The following CDH13 variants were observed in gnomAD, a reference collection of about 807,000 sequenced individuals.
CDH13 encodes cadherin-13.
In CDH13, 24 loss-of-function variants were observed where a neutral mutation model predicts 63.8. The ratio of observed to expected loss-of-function variants is 0.38; its 90% CI spans 0.27 to 0.53. CDH13 has a LOEUF of 0.53. Ranked by LOEUF, CDH13 falls within the 20% of genes least tolerant of loss-of-function variation. The probability of loss-of-function intolerance (pLI) is 0.85; values close to 1 mark genes in which losing one functional copy is unlikely to be tolerated. For synonymous variants in CDH13, 503 were observed against 355.3 expected, an observed-to-expected ratio of 1.42 and a Z score of -4.67; for missense variants, 1,049 against 903.1, an observed-to-expected ratio of 1.16 and a Z score of -2.07.
chr16:82,680,528 G>C (rs556136313), intron 1 of CDH13, among the ~76,000 whole-genome samples: 1 of 152,190 alleles, frequency 6.6e-6, no homozygotes, highest in South Asian at 2.1e-4. Context: ...TTATTTCTGC[G>C]CTCCAAAGTT....
intron 10 of CDH13, among the ~76,000 whole-genome samples, chr16:83,696,682 G>A (rs1905452236): frequency 6.6e-6 from 1 of 152,186 alleles, no homozygotes; most frequent in Admixed American, 6.5e-5. Context: ...CACAGCAACT[G>A]GCCTTCATCT....
At position 83,673,309 on chromosome 16, in the gene CDH13, C is replaced by G. The variant is rs372633627; in HGVS notation, c.1284+2337C>G. ...TTGCAGTCAAGAAATCTCTTGCCAA[C>G]ATGGATATCCCCTACCAAATTTTGG... On this transcript the variant is annotated intron_variant, in intron 9 of 13. Coordinates refer to ENST00000567109, the MANE Select transcript of CDH13 (RefSeq NM_001257.5). Among the ~76,000 whole-genome samples the G allele has an allele frequency of 4.3e-4, 66 of 152,334 alleles. 1 individual carries two copies. The South Asian group carries it at 0.014, about 32-fold the overall frequency.
At chr16:82,915,096 C>T (rs909076029) in intron 2 of CDH13, among the ~76,000 whole-genome samples, 7 of 152,162 alleles carry the variant, frequency 4.6e-5, no homozygotes, top group African/African-American at 1.7e-4. Context: ...GAAATGTAAC[C>T]CTGAGACAGC....
intron 2 of CDH13, among the ~76,000 whole-genome samples, chr16:82,951,133 ATGTGCAAGTTTGTGTG>A (rs1033380010): frequency 2.6e-5 from 4 of 151,998 alleles, no homozygotes; most frequent in African/African-American, 9.7e-5. Context: ...GTTTTGAGGG[ATGTGCAAGTTTGTGTG>A]TGTGCTTGTG....
intron 1 of CDH13, among the ~76,000 whole-genome samples, chr16:82,736,423 G>C (rs769542887): frequency 6.6e-6 from 1 of 152,164 alleles, no homozygotes; most frequent in East Asian, 1.9e-4. Context: ...TTACATGTCA[G>C]ACACAATGCT....
chr16:83,470,492 A>G (rs1489792171), intron 6 of CDH13, among the ~76,000 whole-genome samples: 3 of 152,136 alleles, frequency 2.0e-5, no homozygotes, highest in African/African-American at 7.2e-5. Context: ...GTCCTTTCTG[A>G]AATTCTTCAT....
chr16:82,669,268 C>CAAGG (rs1430434553), intron 1 of CDH13, among the ~76,000 whole-genome samples: 1 of 152,192 alleles, frequency 6.6e-6, no homozygotes, highest in Non-Finnish European at 1.5e-5. Context: ...GTTCCAGATC[C>CAAGG]AAGGACAAGC....
At chr16:83,395,656 C>T (rs1161724398) in intron 6 of CDH13, among the ~76,000 whole-genome samples, 2 of 152,048 alleles carry the variant, frequency 1.3e-5, no homozygotes, top group Non-Finnish European at 2.9e-5. Flanking sequence ...AGATGTAGGT[C>T]AGTAGTGATA....
chr16:82,654,967 G>A (rs1236676357), intron 1 of CDH13, among the ~76,000 whole-genome samples: 1 of 152,200 alleles, frequency 6.6e-6, no homozygotes, highest in Non-Finnish European at 1.5e-5. Flanking sequence ...CAAATAAACT[G>A]TGGAGCTGGT....
intron 7 of CDH13, among the ~76,000 whole-genome samples, chr16:83,546,264 G>A (rs1262798420): frequency 6.6e-6 from 1 of 152,092 alleles, no homozygotes; most frequent in Non-Finnish European, 1.5e-5. Flanking sequence ...CTCCTGGAGG[G>A]TGGCACTCTT....
intron 3 of CDH13, among the ~76,000 whole-genome samples, chr16:83,095,577 G>A (rs12928030): frequency 0.37 from 56,509 of 152,044 alleles, 11,929 homozygotes; most frequent in Middle Eastern, 0.58. Flanking sequence ...TAGACTGTGA[G>A]TTCTTCAAGC....
At chr16:83,529,532 C>T (rs2151630700) in intron 7 of CDH13, among the ~76,000 whole-genome samples, 1 of 152,130 alleles carries the variant, frequency 6.6e-6, no homozygotes, top group South Asian at 2.1e-4. Flanking sequence ...TAGCCCAGAG[C>T]AATGTACACA....
intron 10 of CDH13, among the ~76,000 whole-genome samples, chr16:83,683,417 C>G (rs1442961037): frequency 1.3e-5 from 2 of 152,220 alleles, no homozygotes; most frequent in South Asian, 2.1e-4. Flanking sequence ...CAGCTTGGAT[C>G]TGTCTCCCTC....
chr16:83,033,831 C>G (rs1916604068), intron 3 of CDH13, among the ~76,000 whole-genome samples: 1 of 152,202 alleles, frequency 6.6e-6, no homozygotes, highest in Non-Finnish European at 1.5e-5. Context: ...CAAACAATGA[C>G]TTAATGATGG....
chr16:82,648,687 C>G (rs995951496), intron 1 of CDH13, among the ~76,000 whole-genome samples: 2 of 152,168 alleles, frequency 1.3e-5, no homozygotes, highest in Non-Finnish European at 2.9e-5. Flanking sequence ...GTTTTTTCCC[C>G]TCTGGTTTAC....
chr16:82,921,217 A>G (rs968896585), intron 2 of CDH13, among the ~76,000 whole-genome samples: 1 of 152,142 alleles, frequency 6.6e-6, no homozygotes, highest in Admixed American at 6.5e-5. Flanking sequence ...TGGAGCCCAG[A>G]AGTCCAAAAT....
chr16:82,637,936 C>T (rs1051512736), intron 1 of CDH13, among the ~76,000 whole-genome samples: 7 of 152,170 alleles, frequency 4.6e-5, no homozygotes, highest in Admixed American at 1.3e-4. Context: ...GAATCCCTGT[C>T]TCATGGAGCT....
At chr16:82,719,856 A>AG (rs2032649851) in intron 1 of CDH13, among the ~76,000 whole-genome samples, 2 of 151,786 alleles carry the variant, frequency 1.3e-5, no homozygotes, top group Non-Finnish European at 2.9e-5. Flanking sequence ...AAAAAAAAAA[A>AG]AAAAAAAAAA....
chr16:83,400,993 C>T (rs2091960042), intron 6 of CDH13, among the ~76,000 whole-genome samples: 1 of 151,946 alleles, frequency 6.6e-6, no homozygotes, highest in Admixed American at 6.6e-5. Context: ...CACTTGAGGC[C>T]AGGAGTTCGA....
Sources: allele counts gnomAD v4.1 joint callset (sites outside exome capture counted in the v4.1 genomes callset), GRCh38; gene constraint gnomAD v4.1.1; transcripts MANE v1.5; gene names NCBI Gene and HGNC (gene_info 2026-07-23, HGNC 2026-07-21).